Variants in SLC4A10 observed in about 807,000 individuals in gnomAD.
The protein encoded by SLC4A10 is sodium-driven chloride bicarbonate exchanger.
Under a neutral mutation model 137.7 loss-of-function variants are expected in SLC4A10, and 42 were observed. That is an observed-to-expected ratio of 0.30 (90% CI 0.24 to 0.39). SLC4A10 has a LOEUF of 0.39. Ranked by LOEUF, SLC4A10 falls within the 10% of genes least tolerant of loss-of-function variation. SLC4A10 has a pLI of 1.00. For missense variants in SLC4A10, 925 were observed against 1,355.0 expected (o/e 0.68, Z 4.98); for synonymous variants, 474 against 464.1 (o/e 1.02, Z -0.27).
chr2:161,697,850 A>G (rs1187089436), intron 1 of SLC4A10, among the ~76,000 whole-genome samples: 1 of 152,220 alleles, frequency 6.6e-6, no homozygotes, highest in African/African-American at 2.4e-5. Flanking sequence ...GAAGAAAGTC[A>G]TTGGTAGCTT....
chr2:161,676,854 T>A (rs936287045), intron 1 of SLC4A10, among the ~76,000 whole-genome samples: 1 of 152,148 alleles, frequency 6.6e-6, no homozygotes, highest in Non-Finnish European at 1.5e-5. Context: ...AATGGCACCC[T>A]ACAGGGCGTG....
chr2:161,868,219 A>G (rs988794482), intron 6 of SLC4A10, among the ~76,000 whole-genome samples: 7 of 152,022 alleles, frequency 4.6e-5, no homozygotes, highest in African/African-American at 1.4e-4. Flanking sequence ...GTTTTTGAGA[A>G]TATACCTTTT....
intron 18 of SLC4A10, among the ~76,000 whole-genome samples, 187 bp from the exon 19 acceptor site, chr2:161,950,500 A>C (rs1694609389): frequency 2.0e-5 from 3 of 151,978 alleles, no homozygotes; most frequent in Non-Finnish European, 4.4e-5. Context: ...GAAAAAAAAA[A>C]TGAGTTAAAA....
intron 24 of SLC4A10, among the ~76,000 whole-genome samples, chr2:161,976,476 G>A (rs770778134): frequency 9.9e-5 from 15 of 152,162 alleles, no homozygotes; most frequent in Non-Finnish European, 5.9e-5. Context: ...GAGAGTTGTG[G>A]TTTAGTGGGT....
At chr2:161,953,702 T>C (rs986008542) in intron 19 of SLC4A10, among the ~76,000 whole-genome samples, 1 of 152,118 alleles carries the variant, frequency 6.6e-6, no homozygotes, top group African/African-American at 2.4e-5. Flanking sequence ...TCCCGAAGAA[T>C]GGGGGAGCTC....
intron 1 of SLC4A10, among the ~76,000 whole-genome samples, chr2:161,729,782 G>C (rs893389785): frequency 3.3e-5 from 5 of 152,134 alleles, no homozygotes; most frequent in Non-Finnish European, 7.4e-5. Flanking sequence ...GTCAGATTAG[G>C]AACTTCTAGT....
intron 3 of SLC4A10, among the ~76,000 whole-genome samples, chr2:161,808,061 T>A (rs918122713): frequency 1.3e-5 from 2 of 152,116 alleles, no homozygotes; most frequent in Non-Finnish European, 2.9e-5. Flanking sequence ...TTTATTTTGG[T>A]ATTTAGTTTT....
chr2:161,871,650 A>G (rs1403929616), intron 6 of SLC4A10, among the ~76,000 whole-genome samples: 1 of 152,108 alleles, frequency 6.6e-6, no homozygotes, highest in Non-Finnish European at 1.5e-5. Flanking sequence ...TCAAGTTTTT[A>G]TCTTTTCTCA....
At chr2:161,922,663 AATTT>A (rs1287603314) in intron 15 of SLC4A10, among the ~76,000 whole-genome samples, 5 of 152,134 alleles carry the variant, frequency 3.3e-5, no homozygotes, top group Admixed American at 2.0e-4. Context: ...GTATACCAAA[AATTT>A]GTAGCAATTA....
At chr2:161,692,046 T>C (rs529088420) in intron 1 of SLC4A10, among the ~76,000 whole-genome samples, 1 of 152,034 alleles carries the variant, frequency 6.6e-6, no homozygotes, top group African/African-American at 2.4e-5. Context: ...AGTCATGTAG[T>C]TTGAGAGAAG....
At chr2:161,735,868 G>A (rs1264616747) in intron 1 of SLC4A10, among the ~76,000 whole-genome samples, 1 of 152,112 alleles carries the variant, frequency 6.6e-6, no homozygotes, top group Non-Finnish European at 1.5e-5. Context: ...GTCAAATTAA[G>A]TATCAAAAAT....
At chr2:161,806,280 G>A (rs538686646) in intron 3 of SLC4A10, among the ~76,000 whole-genome samples, 221 of 152,248 alleles carry the variant, frequency 1.5e-3, no homozygotes, top group African/African-American at 5.1e-3. Flanking sequence ...GGGAGGGGCT[G>A]CCATAAAGAC....
intron 15 of SLC4A10, among the ~76,000 whole-genome samples, chr2:161,938,470 G>C (rs1267766378): frequency 6.6e-6 from 1 of 151,268 alleles, no homozygotes; most frequent in Non-Finnish European, 1.5e-5. Flanking sequence ...GTGTATAAGA[G>C]TTGATATTTA....
chr2:161,950,753 G>A lies in SLC4A10; in HGVS notation c.2446G>A (p.Ala816Thr). The A allele has an allele frequency of 6.3e-7, 1 of 1,597,552 alleles. No homozygotes were observed. The highest frequency in any genetic ancestry group is 8.5e-7 in the Non-Finnish European group (1 of 1,171,158). ...TCCAAACCCATGGTGGACAGTAATAGCTGCTATAATTCCAGCTCTGCTTTG... is the reference window on the plus strand; with the variant it reads ...TCCAAACCCATGGTGGACAGTAATAACTGCTATAATTCCAGCTCTGCTTTG... Reference protein sequence around the residue: ...LGPNPWWTVIAAIIPALLCTI... With the variant: ...LGPNPWWTVITAIIPALLCTI... Residue 816 changes from alanine (A) to threonine (T), a missense_variant, in exon 19 of 27, where the codon GCT becomes ACT. Transcript: ENST00000446997.
chr2:161,906,000 T>G, intron 15 of SLC4A10, 113 bp downstream of exon 15: 1 of 1,350,770 alleles, frequency 7.4e-7, no homozygotes, highest in Non-Finnish European at 9.9e-7. Flanking sequence ...AGTTGATTCA[T>G]GACCTAAATC....
chr2:161,708,701 G>A (rs1265488964), intron 1 of SLC4A10: 2 of 1,519,714 alleles, frequency 1.3e-6, no homozygotes, highest in Non-Finnish European at 8.8e-7. Context: ...TAGCCCTGAA[G>A]ATGCTGAGAC....
At chr2:161,766,527 G>C (rs2050813004) in intron 1 of SLC4A10, among the ~76,000 whole-genome samples, 1 of 152,080 alleles carries the variant, frequency 6.6e-6, no homozygotes, top group African/African-American at 2.4e-5. Flanking sequence ...TGCTTGTTTT[G>C]ACCTTTGAAC....
chr2:161,785,940 G>A lies in SLC4A10; in HGVS notation c.130+14886G>A, dbSNP rs143754888. Among the ~76,000 whole-genome samples the A allele has an allele frequency of 6.0e-3, 905 of 151,976 alleles. 10 individuals carry two copies. The highest frequency in any genetic ancestry group is 0.021 in the African/African-American group (873 of 41,510). ...AGTAGATGTTTATTAGGTCCATTTG[G>A]TCAAGAGTGCAGTTTAAGTTCAGAG... On this transcript the variant is annotated intron_variant, in intron 2 of 26. Transcript: ENST00000446997.
At chr2:161,685,870 A>T (rs1420028613) in intron 1 of SLC4A10, among the ~76,000 whole-genome samples, 3 of 152,154 alleles carry the variant, frequency 2.0e-5, no homozygotes, top group South Asian at 4.1e-4. Flanking sequence ...AAAGGAAAAA[A>T]TCCCTCTACT....
Sources: gnomAD v4.1 joint callset for allele counts (sites outside exome capture counted in the v4.1 genomes callset) on GRCh38, gnomAD v4.1.1 for gene constraint, MANE v1.5 for transcripts, NCBI Gene and HGNC (gene_info 2026-07-23, HGNC 2026-07-21) for gene names.